Variants in YPEL1 observed in about 807,000 individuals in gnomAD.
The protein encoded by YPEL1 is protein yippee-like 1.
A neutral mutation model predicts 17.3 loss-of-function variants in YPEL1; 7 were observed. The observed-to-expected ratio is 0.40, with a 90% confidence interval of 0.23 to 0.76. The LOEUF (loss-of-function observed/expected upper bound fraction) is 0.76, where lower values mean the gene tolerates loss of function less well. YPEL1 is among the 30% of genes least tolerant of loss of function. YPEL1 has a pLI of 0.35. For missense variants in YPEL1, 91 were observed against 155.5 expected, an observed-to-expected ratio of 0.59 and a Z score of 2.21; for synonymous variants, 59 against 59.6, an observed-to-expected ratio of 0.99 and a Z score of 0.05.
intron 1 of YPEL1, among the ~76,000 whole-genome samples, chr22:21,724,544 A>G (rs1458291602): frequency 1.3e-5 from 2 of 150,708 alleles, no homozygotes; most frequent in African/African-American, 2.4e-5. Context: ...CCTGGGGGGA[A>G]AAAAATAGTT....
At chr22:21,702,424 G>T (rs1418113722) in intron 4 of YPEL1, among the ~76,000 whole-genome samples, 1 of 152,226 alleles carries the variant, frequency 6.6e-6, no homozygotes, top group Non-Finnish European at 1.5e-5. Context: ...GGAGACCAGA[G>T]ATGATCAGGA....
chr22:21,719,587 T>A (rs1183381049), intron 1 of YPEL1, among the ~76,000 whole-genome samples: 2 of 152,232 alleles, frequency 1.3e-5, no homozygotes, highest in Admixed American at 6.5e-5. Context: ...TTCATCATTT[T>A]AAAATAAGTA....
chr22:21,701,408 T>C (rs930412275), intron 4 of YPEL1, among the ~76,000 whole-genome samples, 190 bp from the exon 5 acceptor site: 10 of 152,314 alleles, frequency 6.6e-5, no homozygotes, highest in African/African-American at 2.2e-4. Flanking sequence ...AGGTTTACTT[T>C]GCATTTGTTG....
intron 1 of YPEL1, among the ~76,000 whole-genome samples, chr22:21,717,221 C>CAAA (rs1377317017): frequency 4.6e-5 from 7 of 151,964 alleles, no homozygotes; most frequent in East Asian, 3.9e-4. Flanking sequence ...ACTAAAAATA[C>CAAA]AAAAATTAGC....
intron 4 of YPEL1, among the ~76,000 whole-genome samples, chr22:21,702,154 C>T: frequency 6.6e-6 from 1 of 152,172 alleles, no homozygotes; most frequent in East Asian, 1.9e-4. Context: ...ACACAGATGA[C>T]CAAGATGGAT....
Position 21,703,958 on chromosome 22 carries a change from G to T in YPEL1, c.118-76C>A. 1 of 1,516,820 alleles carries T rather than the reference G, an allele frequency of 6.6e-7. No homozygotes were observed. The highest frequency in any genetic ancestry group is 9.0e-7 in the Non-Finnish European group (1 of 1,114,880). 94.0% of individuals were successfully genotyped at this position (1,516,820 alleles called of 1,614,324 possible). On this transcript the variant is annotated intron_variant, in intron 2 of 4. Transcript: ENST00000339468. This position sits in a 1 kb window ranked among gnomAD's most constrained non-coding sequence, Gnocchi z 6.1. ...AGCGGTGCTGCCCAGAACCAGGGGA[G>T]TCCAGCCCCGCGGCTGTTAGCTGCG...
chr22:21,708,976 T>TA (rs1330261497), intron 2 of YPEL1, among the ~76,000 whole-genome samples: 3 of 152,132 alleles, frequency 2.0e-5, no homozygotes. Flanking sequence ...GCCCAGCTGA[T>TA]ACAATTTTTA....
intron 1 of YPEL1, among the ~76,000 whole-genome samples, chr22:21,729,945 C>A (rs1318363298): frequency 6.6e-6 from 1 of 151,992 alleles, no homozygotes; most frequent in African/African-American, 2.4e-5. Flanking sequence ...GTCTGGAGAT[C>A]GAGACCAGCC....
rs549538103 is a variant in YPEL1, at chr22:21,712,931, T to C, written c.-164-2023A>G. Among the ~76,000 whole-genome samples, 5 of 151,914 alleles carry C rather than the reference T, an allele frequency of 3.3e-5. No individual in the cohort carries two copies. In the South Asian group the frequency reaches 8.3e-4, roughly 25 times the overall value. ...CTACAACTCAACAAAACAACCCCAATCTGATTAAAAATGGACAAAGGACTT... is the reference window on the plus strand; with the variant it reads ...CTACAACTCAACAAAACAACCCCAACCTGATTAAAAATGGACAAAGGACTT... On this transcript the variant is annotated intron_variant, in intron 1 of 4. Coordinates refer to ENST00000339468, the MANE Select transcript of YPEL1 (RefSeq NM_013313.5).
At chr22:21,707,077 A>G (rs1015122309) in intron 2 of YPEL1, among the ~76,000 whole-genome samples, 4 of 152,128 alleles carry the variant, frequency 2.6e-5, no homozygotes, top group Non-Finnish European at 4.4e-5. Flanking sequence ...TCGTTTACAC[A>G]TACACATTAT....
chr22:21,729,897 C>A (rs937207333), intron 1 of YPEL1, among the ~76,000 whole-genome samples: 3 of 152,132 alleles, frequency 2.0e-5, no homozygotes, highest in Non-Finnish European at 4.4e-5. Context: ...TCTGTAATCC[C>A]AGCACTTTAG....
intron 2 of YPEL1, among the ~76,000 whole-genome samples, chr22:21,705,503 G>T (rs938454330): frequency 6.6e-6 from 1 of 152,180 alleles, no homozygotes; most frequent in Non-Finnish European, 1.5e-5. Context: ...ACCATGCCCA[G>T]CCCTTTTTTG....
At chr22:21,729,908 G>A (rs1010089763) in intron 1 of YPEL1, among the ~76,000 whole-genome samples, 2 of 152,078 alleles carry the variant, frequency 1.3e-5, no homozygotes, top group South Asian at 4.1e-4. Flanking sequence ...AGCACTTTAG[G>A]AGGCCGAGAT....
chr22:21,712,619 G>C (rs1448060118), intron 1 of YPEL1, among the ~76,000 whole-genome samples: 1 of 151,560 alleles, frequency 6.6e-6, no homozygotes, highest in Non-Finnish European at 1.5e-5. Context: ...CCAGCTACTT[G>C]GGAGGCCGAG....
intron 4 of YPEL1, among the ~76,000 whole-genome samples, chr22:21,702,072 A>T (rs1463997122): frequency 1.3e-5 from 2 of 152,136 alleles, no homozygotes; most frequent in Non-Finnish European, 2.9e-5. Flanking sequence ...CTTCATGGGG[A>T]GGAGTTAACA....
chr22:21,721,896 T>G (rs542627850), intron 1 of YPEL1, among the ~76,000 whole-genome samples: 2 of 152,178 alleles, frequency 1.3e-5, no homozygotes, highest in South Asian at 4.1e-4. Context: ...ACCAAGCCCC[T>G]GGCAGCTACC....
rs2068087224 is a variant in YPEL1, at chr22:21,703,690, G to A, written c.161+149C>T. On this transcript the variant is annotated intron_variant, in intron 3 of 4. Transcript: ENST00000339468. This position sits in a 1 kb window ranked among gnomAD's most constrained non-coding sequence, Gnocchi z 6.1. ...GACAGGCTAGGGGGCAAGATCCTTA[G>A]CGCGTTTCAGAAACTCCCGGCGGGG... The A allele has an allele frequency of 3.4e-6, 3 of 885,658 alleles. No homozygotes were observed. The highest frequency in any genetic ancestry group is 3.5e-5 in the African/African-American group (2 of 57,702). 54.9% of individuals were successfully genotyped at this position (885,658 alleles called of 1,614,324 possible).
intron 1 of YPEL1, among the ~76,000 whole-genome samples, chr22:21,715,758 TTTC>T (rs1569062043): frequency 2.1e-5 from 1 of 47,466 alleles, no homozygotes; most frequent in Non-Finnish European, 3.5e-5. Context: ...TTCTTTTTCT[TTTC>T]TTTTTTTTTT....
chr22:21,715,304 C>T (rs2068210129), intron 1 of YPEL1, among the ~76,000 whole-genome samples: 1 of 151,974 alleles, frequency 6.6e-6, no homozygotes, highest in South Asian at 2.1e-4. Flanking sequence ...ACCATCCTGG[C>T]CAACATGGTG....
Sources: gnomAD v4.1 joint callset for allele counts (sites outside exome capture counted in the v4.1 genomes callset) on GRCh38, gnomAD v4.1.1 for gene constraint, Gnocchi (gnomAD v3.1) non-coding constraint, MANE v1.5 for transcripts, NCBI Gene and HGNC (gene_info 2026-07-23, HGNC 2026-07-21) for gene names.